PDE4D: variants seen among roughly 807,000 people sequenced by gnomAD.
PDE4D encodes the protein 3',5'-cyclic-AMP phosphodiesterase 4D.
PDE4D carries 24 observed loss-of-function variants against 87.4 expected under a neutral mutation model. The observed-to-expected ratio is 0.27, with a 90% CI of 0.20 to 0.39. PDE4D has a LOEUF of 0.39. Ranked by LOEUF, PDE4D falls within the 10% of genes least tolerant of loss-of-function variation. The probability of loss-of-function intolerance (pLI) is 1.00; values close to 1 mark genes in which losing one functional copy is unlikely to be tolerated. For missense variants in PDE4D, 714 were observed against 1,041.0 expected, an observed-to-expected ratio of 0.69 and a Z score of 4.32; for synonymous variants, 384 against 383.2, an observed-to-expected ratio of 1.00 and a Z score of -0.02.
At chr5:59,288,071 C>T (rs1767326390) in intron 1 of PDE4D, among the ~76,000 whole-genome samples, 1 of 151,864 alleles carries the variant, frequency 6.6e-6, no homozygotes, top group South Asian at 2.1e-4. Context: ...AACGAACATC[C>T]ACAAGCATAA....
intron 1 of PDE4D, among the ~76,000 whole-genome samples, chr5:59,711,413 T>C (rs1754179346): frequency 6.6e-6 from 1 of 152,130 alleles, no homozygotes. Context: ...AAAAATAATA[T>C]ATCCATTCAT....
chr5:59,377,208 G>A (rs1015397934), intron 1 of PDE4D, among the ~76,000 whole-genome samples: 2 of 151,984 alleles, frequency 1.3e-5, no homozygotes, highest in Non-Finnish European at 2.9e-5. Context: ...ACGAGGTCAG[G>A]AGATCGAGAC....
At chr5:59,992,374 A>G (rs1561954686) in intron 2 of PDE4D, among the ~76,000 whole-genome samples, 1 of 152,028 alleles carries the variant, frequency 6.6e-6, no homozygotes, top group East Asian at 1.9e-4. Context: ...CTATTGTGGG[A>G]CTTCACCTTG....
intron 1 of PDE4D, among the ~76,000 whole-genome samples, chr5:59,540,435 C>G (rs1003820012): frequency 7.9e-5 from 12 of 152,110 alleles, no homozygotes; most frequent in African/African-American, 2.4e-4. Flanking sequence ...AAAACAACCC[C>G]AAAATTGCTC....
intron 1 of PDE4D, among the ~76,000 whole-genome samples, chr5:59,584,892 T>C (rs778249308): frequency 6.6e-6 from 1 of 152,184 alleles, no homozygotes; most frequent in Non-Finnish European, 1.5e-5. Context: ...GCCTACTACG[T>C]GCCAGGAACT....
At chr5:59,092,079 C>T (rs543758433) in intron 5 of PDE4D, among the ~76,000 whole-genome samples, 2 of 152,264 alleles carry the variant, frequency 1.3e-5, no homozygotes, top group South Asian at 4.1e-4. Context: ...ACAGAGCACA[C>T]TTAATTGAAT....
chr5:59,036,963 G>A (rs994854901), intron 6 of PDE4D, among the ~76,000 whole-genome samples: 6 of 151,858 alleles, frequency 4.0e-5, no homozygotes, highest in Admixed American at 3.9e-4. Flanking sequence ...TATTAAACCT[G>A]TAAATTAACT....
At chr5:59,962,441 A>G (rs1035797701) in intron 3 of PDE4D, among the ~76,000 whole-genome samples, 3 of 152,136 alleles carry the variant, frequency 2.0e-5, no homozygotes. Flanking sequence ...AAAGAATACA[A>G]GTATGTAAGA....
chr5:59,241,258 C>G (rs1335374167), intron 1 of PDE4D, among the ~76,000 whole-genome samples: 2 of 152,202 alleles, frequency 1.3e-5, no homozygotes, highest in Non-Finnish European at 2.9e-5. Context: ...AGGTCTGCTA[C>G]CCTGCCTGGC....
At chr5:60,402,417 T>C (rs571680468) in intron 1 of PDE4D, among the ~76,000 whole-genome samples, 1 of 152,318 alleles carries the variant, frequency 6.6e-6, no homozygotes, top group East Asian at 1.9e-4. Context: ...ACAATGTGTG[T>C]GAAATGCCCA....
At chr5:60,272,064 A>C (rs1221330162) in intron 1 of PDE4D, among the ~76,000 whole-genome samples, 1 of 152,218 alleles carries the variant, frequency 6.6e-6, no homozygotes, top group African/African-American at 2.4e-5. Flanking sequence ...GCAAGACTCC[A>C]CTGGTATTCA....
intron 1 of PDE4D, among the ~76,000 whole-genome samples, chr5:59,417,134 A>G (rs958999778): frequency 6.6e-6 from 1 of 152,132 alleles, no homozygotes. Flanking sequence ...TTTGTTAACA[A>G]TTCTCTATAA....
rs550023880 is a variant in PDE4D at position 60,416,674 on chromosome 5, G to A, written c.-90+71268C>T. ...AAGAACTGTAACACTCACCATGAGCGTCCGCGGCTTCATTCTTGAAGTCAG... is the reference window on the plus strand; with the variant it reads ...AAGAACTGTAACACTCACCATGAGCATCCGCGGCTTCATTCTTGAAGTCAG... On this transcript the variant is annotated intron_variant, in intron 1 of 16. Transcript: ENST00000502484. Among the ~76,000 whole-genome samples the A allele has an allele frequency of 6.6e-5, 10 of 152,278 alleles. No individual in the cohort carries two copies. In the South Asian group the frequency reaches 8.3e-4, roughly 13 times the overall value.
intron 1 of PDE4D, among the ~76,000 whole-genome samples, chr5:60,305,147 A>G (rs995871135): frequency 1.3e-5 from 2 of 152,068 alleles, no homozygotes; most frequent in African/African-American, 4.8e-5. Context: ...TGCAGAATCC[A>G]AAAGAAAAAC....
intron 1 of PDE4D, among the ~76,000 whole-genome samples, chr5:59,692,981 T>C (rs1201320511): frequency 6.6e-6 from 1 of 152,148 alleles, no homozygotes; most frequent in African/African-American, 2.4e-5. Flanking sequence ...TGCTAAGGTC[T>C]ATTTAATGTA....
chr5:60,381,226 G>T (rs1312645932), intron 1 of PDE4D, among the ~76,000 whole-genome samples: 1 of 152,164 alleles, frequency 6.6e-6, no homozygotes, highest in Admixed American at 6.5e-5. Flanking sequence ...TACAGGTGCT[G>T]CATGACTATG....
chr5:59,312,693 C>T (rs1451315386), intron 1 of PDE4D, among the ~76,000 whole-genome samples: 1 of 152,122 alleles, frequency 6.6e-6, no homozygotes, highest in Non-Finnish European at 1.5e-5. Flanking sequence ...CAAAAGTCAG[C>T]CTTAGAACCC....
At chr5:58,999,981 A>C (rs1750150332) in intron 6 of PDE4D, 7 of 842,780 alleles carry the variant, frequency 8.3e-6, no homozygotes, top group Non-Finnish European at 1.0e-5. Flanking sequence ...TAAAACCCCA[A>C]CTCTGCACCA....
intron 5 of PDE4D, among the ~76,000 whole-genome samples, chr5:59,101,597 A>G (rs1770748521): frequency 6.6e-6 from 1 of 152,206 alleles, no homozygotes; most frequent in African/African-American, 2.4e-5. Flanking sequence ...TAGGCATGGT[A>G]ATATTTATTG....
Sources: gnomAD v4.1 joint callset for allele counts (sites outside exome capture counted in the v4.1 genomes callset) on GRCh38, gnomAD v4.1.1 for gene constraint, MANE v1.5 for transcripts, NCBI Gene and HGNC (gene_info 2026-07-23, HGNC 2026-07-21) for gene names.